Variants in EYS observed in about 807,000 individuals in gnomAD.
EYS encodes protein eyes shut homolog.
A neutral mutation model predicts 282.1 loss-of-function variants in EYS; 250 were observed. That is an observed-to-expected ratio of 0.89 (90% CI 0.80 to 0.98). The LOEUF is 0.98. EYS is among the 50% of genes least tolerant of loss of function. EYS has a pLI of 0.00. For synonymous variants in EYS, 1,355 were observed against 1,282.9 expected, an observed-to-expected ratio of 1.06 and a Z score of -1.20; for missense variants, 4,016 against 3,709.0, an observed-to-expected ratio of 1.08 and a Z score of -2.15.
At chr6:65,399,504 TC>T (rs1463642259) in intron 7 of EYS, among the ~76,000 whole-genome samples, 1 of 152,046 alleles carries the variant, frequency 6.6e-6, no homozygotes, top group Non-Finnish European at 1.5e-5. Flanking sequence ...TTCTTGAATA[TC>T]TTACAGTAGA....
intron 13 of EYS, among the ~76,000 whole-genome samples, chr6:65,011,845 C>T (rs1184714184): frequency 2.0e-5 from 3 of 152,180 alleles, no homozygotes; most frequent in African/African-American, 7.2e-5. Flanking sequence ...CCCGAGAGCA[C>T]AGCGGGAGGG....
chr6:64,169,790 A>C (rs143506115), intron 31 of EYS, among the ~76,000 whole-genome samples: 1 of 152,218 alleles, frequency 6.6e-6, no homozygotes, highest in East Asian at 1.9e-4. Flanking sequence ...TCTCCTACAG[A>C]AACATGGTAG....
At chr6:65,604,732 T>C (rs1363416252) in intron 2 of EYS, among the ~76,000 whole-genome samples, 1 of 151,910 alleles carries the variant, frequency 6.6e-6, no homozygotes, top group Non-Finnish European at 1.5e-5. Flanking sequence ...ATGGATAGGA[T>C]GAAGGAAATA....
intron 26 of EYS, among the ~76,000 whole-genome samples, chr6:64,457,503 C>T (rs1326736847): frequency 2.0e-5 from 3 of 151,940 alleles, no homozygotes; most frequent in Non-Finnish European, 4.4e-5. Context: ...CTCTCTCTCC[C>T]TTCGTATCTA....
intron 37 of EYS, among the ~76,000 whole-genome samples, chr6:63,799,107 G>A (rs1435885650): frequency 4.7e-5 from 7 of 148,862 alleles, no homozygotes; most frequent in African/African-American, 1.2e-4. Flanking sequence ...TCCGCCTCCC[G>A]GGTTCAAGTG....
chr6:65,077,994 C>T (rs938624046), intron 12 of EYS, among the ~76,000 whole-genome samples: 17 of 152,150 alleles, frequency 1.1e-4, no homozygotes, highest in Middle Eastern at 6.8e-3. Flanking sequence ...GAAAATTATG[C>T]CATCAGAATT....
At chr6:65,255,803 A>G (rs561129131) in intron 12 of EYS, among the ~76,000 whole-genome samples, 6 of 152,234 alleles carry the variant, frequency 3.9e-5, no homozygotes, top group African/African-American at 1.4e-4. Context: ...ATGAGATATT[A>G]TCTCACCTCA....
At chr6:64,633,231 A>C (rs1213724386) in intron 22 of EYS, among the ~76,000 whole-genome samples, 1 of 152,198 alleles carries the variant, frequency 6.6e-6, no homozygotes, top group Non-Finnish European at 1.5e-5. Flanking sequence ...ATAACTGTTG[A>C]AATTGTATGT....
chr6:65,320,453 C>T (rs1769442088), intron 11 of EYS, among the ~76,000 whole-genome samples: 1 of 151,936 alleles, frequency 6.6e-6, no homozygotes, highest in Non-Finnish European at 1.5e-5. Flanking sequence ...CAGTTGCAGC[C>T]CTGGGACTGG....
At chr6:65,636,237 C>T (rs549515310) in intron 2 of EYS, among the ~76,000 whole-genome samples, 1 of 152,172 alleles carries the variant, frequency 6.6e-6, no homozygotes, top group Non-Finnish European at 1.5e-5. Context: ...TAAACAGAAG[C>T]GAAAATCTTT....
At chr6:64,159,559 TAAAAAAAAAAA>T (rs35139594) in intron 31 of EYS, among the ~76,000 whole-genome samples, 2 of 59,944 alleles carry the variant, frequency 3.3e-5, no homozygotes, top group East Asian at 5.0e-4. Flanking sequence ...GACTCTGTCT[TAAAAAAAAAAA>T]AAAAAAAAAA....
chr6:64,924,214 A>G (rs1480998218), intron 15 of EYS, among the ~76,000 whole-genome samples: 1 of 152,200 alleles, frequency 6.6e-6, no homozygotes, highest in African/African-American at 2.4e-5. Context: ...ACCATGTGGA[A>G]GCTGCCAAGG....
chr6:65,321,132 G>A lies in EYS; in HGVS notation c.1766+13848C>T, dbSNP rs6937261. The stretch of plus-strand genomic sequence containing the variant: ...AGATTTTGTGGGATTAAAACTAGTA[G>A]AGAGTATGAAAGCCTTTTTTTTTTT... On this transcript the variant is annotated intron_variant, in intron 11 of 42. Transcript: ENST00000503581. Among the ~76,000 whole-genome samples the A allele has an allele frequency of 7.3e-3, 1,095 of 149,820 alleles. 5 individuals carry two copies. Among genetic ancestry groups the A allele is most frequent in the Non-Finnish European group, 0.012 (803 of 67,566 alleles).
intron 22 of EYS, among the ~76,000 whole-genome samples, chr6:64,808,598 A>C (rs1764505905): frequency 6.6e-6 from 1 of 152,012 alleles, no homozygotes; most frequent in African/African-American, 2.4e-5. Context: ...AAAGTGTAAA[A>C]AATTATATCT....
intron 29 of EYS, among the ~76,000 whole-genome samples, chr6:64,315,745 C>G (rs1342698880): frequency 1.3e-5 from 2 of 151,878 alleles, no homozygotes; most frequent in African/African-American, 4.8e-5. Flanking sequence ...GATACGAAAA[C>G]CTGGCAGAGA....
At chr6:64,441,452 C>T (rs946855523) in intron 26 of EYS, among the ~76,000 whole-genome samples, 13 of 152,138 alleles carry the variant, frequency 8.5e-5, no homozygotes, top group Non-Finnish European at 1.8e-4. Context: ...AGAGTTGTAA[C>T]AGGAGATGAT....
At chr6:64,764,304 C>T (rs1773255233) in intron 22 of EYS, among the ~76,000 whole-genome samples, 1 of 152,242 alleles carries the variant, frequency 6.6e-6, no homozygotes, top group South Asian at 2.1e-4. Context: ...TCCAAAACCT[C>T]AATTCTTAGC....
chr6:65,539,487 C>T (rs969719070), intron 2 of EYS, among the ~76,000 whole-genome samples: 4 of 152,086 alleles, frequency 2.6e-5, no homozygotes, highest in Non-Finnish European at 5.9e-5. Context: ...TAGAATTAAA[C>T]AGAATGATAA....
chr6:65,400,649 T>G (rs553673139), intron 7 of EYS, among the ~76,000 whole-genome samples: 190 of 151,970 alleles, frequency 1.3e-3, no homozygotes, highest in Non-Finnish European at 2.3e-3. Flanking sequence ...AAATAAAAAT[T>G]TCCATAACCA....
Sources: gnomAD v4.1 joint callset for allele counts (sites outside exome capture counted in the v4.1 genomes callset) on GRCh38, gnomAD v4.1.1 for gene constraint, MANE v1.5 for transcripts, NCBI Gene and HGNC (gene_info 2026-07-23, HGNC 2026-07-21) for gene names.